Variants in NLGN1 observed in about 807,000 individuals in gnomAD.
The protein encoded by NLGN1 is neuroligin 1, also known as neuroligin-1.
NLGN1 carries 12 observed loss-of-function variants against 65.5 expected under a neutral mutation model. That is an observed-to-expected ratio of 0.18 (90% CI 0.12 to 0.30). The LOEUF is 0.30. Ranked by LOEUF, NLGN1 falls within the 10% of genes least tolerant of loss-of-function variation. The pLI, the probability that NLGN1 is intolerant of heterozygous loss-of-function variation, is 1.00. For missense variants in NLGN1, 750 were observed against 1,007.1 expected, an observed-to-expected ratio of 0.74 and a Z score of 3.46; for synonymous variants, 350 against 359.5, an observed-to-expected ratio of 0.97 and a Z score of 0.30.
rs13315097 is a variant in NLGN1 at position 173,648,901 on chromosome 3, C to A, written c.493+43810C>A. Among the ~76,000 whole-genome samples the A allele has an allele frequency of 6.5e-3, 992 of 152,148 alleles. 18 individuals are homozygous for A. Among genetic ancestry groups the A allele is most frequent in the African/African-American group, 0.023 (953 of 41,522 alleles). ...TACTATAAGATCCAACCATCCCACT[C>A]ATCAGTATTTAACCAAGAAAAAAGA... On this transcript the variant is annotated intron_variant, in intron 3 of 6. Coordinates refer to ENST00000457714, the Ensembl canonical transcript of NLGN1.
chr3:173,782,416 TAAGAA>T (rs1338081931), intron 3 of NLGN1, among the ~76,000 whole-genome samples: 1 of 152,166 alleles, frequency 6.6e-6, no homozygotes, highest in Admixed American at 6.5e-5. Flanking sequence ...AGAAATGTTA[TAAGAA>T]ATAAACAAGC....
chr3:174,079,229 A>T (rs1741646217), intron 4 of NLGN1, among the ~76,000 whole-genome samples: 1 of 152,176 alleles, frequency 6.6e-6, no homozygotes, highest in Non-Finnish European at 1.5e-5. Flanking sequence ...TGGGCAAAGG[A>T]CATGAACAGA....
chr3:173,600,636 A>C (rs1750368430), intron 2 of NLGN1, among the ~76,000 whole-genome samples: 1 of 116,316 alleles, frequency 8.6e-6, no homozygotes, highest in South Asian at 3.4e-4. Context: ...TAAAGTTATA[A>C]GTCAGATATT....
At chr3:173,489,181 C>T (rs978615092) in intron 2 of NLGN1, among the ~76,000 whole-genome samples, 1 of 151,806 alleles carries the variant, frequency 6.6e-6, no homozygotes, top group Admixed American at 6.6e-5. Context: ...GTGTGTTGCA[C>T]CAATTAACTC....
intron 4 of NLGN1, among the ~76,000 whole-genome samples, chr3:174,000,149 G>T (rs1214870810): frequency 2.0e-5 from 3 of 152,082 alleles, no homozygotes; most frequent in African/African-American, 7.2e-5. Flanking sequence ...CACTGATGAT[G>T]GTTCCTCTCC....
At chr3:174,212,382 G>A (rs1325635278) in intron 4 of NLGN1, among the ~76,000 whole-genome samples, 1 of 152,228 alleles carries the variant, frequency 6.6e-6, no homozygotes, top group Non-Finnish European at 1.5e-5. Context: ...AGCTGAGGGA[G>A]TGGGCTCCAG....
At chr3:173,519,624 G>A (rs1010307040) in intron 2 of NLGN1, among the ~76,000 whole-genome samples, 4 of 152,240 alleles carry the variant, frequency 2.6e-5, no homozygotes, top group African/African-American at 9.6e-5. Context: ...GGGCCTGTAG[G>A]CCTTTTCTTT....
intron 3 of NLGN1, among the ~76,000 whole-genome samples, chr3:173,683,028 G>A (rs776636335): frequency 3.9e-5 from 6 of 152,108 alleles, no homozygotes; most frequent in African/African-American, 9.7e-5. Flanking sequence ...TATTAAAACC[G>A]TGCTTTTCAT....
At chr3:174,244,850 G>C (rs1181241287) in intron 4 of NLGN1, among the ~76,000 whole-genome samples, 1 of 152,162 alleles carries the variant, frequency 6.6e-6, no homozygotes, top group East Asian at 1.9e-4. Flanking sequence ...TCTAATCTGT[G>C]AGTATAAATT....
chr3:173,943,348 T>C (rs932832277), intron 4 of NLGN1, among the ~76,000 whole-genome samples: 1 of 152,186 alleles, frequency 6.6e-6, no homozygotes, highest in African/African-American at 2.4e-5. Context: ...AACATTGTCC[T>C]TGTGGGGGCA....
At chr3:174,048,986 C>T (rs976668519) in intron 4 of NLGN1, among the ~76,000 whole-genome samples, 4 of 151,732 alleles carry the variant, frequency 2.6e-5, no homozygotes, top group Admixed American at 2.0e-4. Flanking sequence ...CAAAGATAAA[C>T]AAAAATTTCT....
Position 173,926,120 on chromosome 3 carries a change from G to T in NLGN1, c.646+118288G>T, listed in dbSNP as rs189692065. ...ATACATTTAGATTTTCAGGTCTAAA[G>T]ATTTTTTTTAAAATACTTTTTTATT... On this transcript the variant is annotated intron_variant, in intron 4 of 6. Coordinates refer to ENST00000457714, the Ensembl canonical transcript of NLGN1. Among the ~76,000 whole-genome samples the T allele has an allele frequency of 2.4e-4, 37 of 151,696 alleles. No individual in the cohort carries two copies. In the East Asian group the frequency reaches 6.4e-3, roughly 26 times the overall value.
At chr3:173,811,293 A>T (rs1717858647) in intron 4 of NLGN1, among the ~76,000 whole-genome samples, 1 of 151,974 alleles carries the variant, frequency 6.6e-6, no homozygotes, top group African/African-American at 2.4e-5. Context: ...GCCAGGTGTG[A>T]TGGCTCACAC....
intron 4 of NLGN1, among the ~76,000 whole-genome samples, chr3:174,204,256 T>C (rs1735024165): frequency 6.6e-6 from 1 of 152,228 alleles, no homozygotes; most frequent in African/African-American, 2.4e-5. Flanking sequence ...ATTTTGTTGT[T>C]CTTTAAAAAC....
chr3:174,076,678 A>G (rs1740979643), intron 4 of NLGN1, among the ~76,000 whole-genome samples: 1 of 105,676 alleles, frequency 9.5e-6, no homozygotes, highest in African/African-American at 4.2e-5. Flanking sequence ...CTCTGGGACC[A>G]TAGAGAGAGA....
intron 4 of NLGN1, among the ~76,000 whole-genome samples, chr3:173,985,128 G>A (rs1025770469): frequency 5.9e-5 from 9 of 152,178 alleles, no homozygotes; most frequent in African/African-American, 1.9e-4. Context: ...TAATCCCAAT[G>A]GGGCTGGCTT....
intron 4 of NLGN1, among the ~76,000 whole-genome samples, chr3:173,932,835 G>T (rs76452652): frequency 0.04 from 6,022 of 152,178 alleles, 194 homozygotes; most frequent in African/African-American, 0.092. Context: ...GAGTCAGTTA[G>T]ATGTGACTCA....
chr3:173,716,840 T>C (rs1769936183), intron 3 of NLGN1, among the ~76,000 whole-genome samples: 1 of 152,162 alleles, frequency 6.6e-6, no homozygotes, highest in South Asian at 2.1e-4. Context: ...AAGGTGAATA[T>C]TTGTCGTGTA....
At chr3:174,263,891 T>A (rs1747465719) in intron 4 of NLGN1, among the ~76,000 whole-genome samples, 1 of 150,634 alleles carries the variant, frequency 6.6e-6, no homozygotes, top group Admixed American at 6.6e-5. Context: ...GGTGACAAAA[T>A]CTCTCAGCAT....
Sources: gnomAD v4.1 joint callset for allele counts (sites outside exome capture counted in the v4.1 genomes callset) on GRCh38, gnomAD v4.1.1 for gene constraint, MANE v1.5 for transcripts, NCBI Gene and HGNC (gene_info 2026-07-23, HGNC 2026-07-21) for gene names.